The following C11orf65 variants were observed in gnomAD, a reference collection of about 807,000 sequenced individuals.
C11orf65 encodes the protein protein MFI.
In C11orf65, 38 loss-of-function variants were observed where a neutral mutation model predicts 35.3. The ratio of observed to expected loss-of-function variants is 1.08; its 90% confidence interval spans 0.83 to 1.41. C11orf65 has a LOEUF of 1.41. Ranked by LOEUF, C11orf65 falls within the 40% of genes most tolerant of loss-of-function variation. The pLI, the probability that C11orf65 is intolerant of heterozygous loss-of-function variation, is 0.00. For synonymous variants in C11orf65, 105 were observed against 114.4 expected (o/e 0.92, Z 0.53); for missense variants, 370 against 367.1 (o/e 1.01, Z -0.06).
intron 2 of C11orf65, among the ~76,000 whole-genome samples, chr11:108,356,746 G>A (rs906733256): frequency 6.6e-6 from 1 of 152,132 alleles, no homozygotes; most frequent in Non-Finnish European, 1.5e-5. Flanking sequence ...AATCTTACTA[G>A]TTTAATGCCA....
At chr11:108,405,914 G>A (rs1407090257) in intron 5 of C11orf65, among the ~76,000 whole-genome samples, 1 of 152,116 alleles carries the variant, frequency 6.6e-6, no homozygotes, top group Non-Finnish European at 1.5e-5. Flanking sequence ...AAGGAGTACA[G>A]CCACCCTTCA....
intron 2 of C11orf65, among the ~76,000 whole-genome samples, chr11:108,361,362 GCC>G (rs1051359843): frequency 6.6e-6 from 1 of 150,604 alleles, no homozygotes; most frequent in African/African-American, 2.5e-5. Flanking sequence ...TGTGAAAATG[GCC>G]ATACTGCCCA....
downstream of C11orf65, among the ~76,000 whole-genome samples, chr11:108,381,441 A>C (rs1161158711): frequency 6.6e-6 from 1 of 152,182 alleles, no homozygotes; most frequent in Non-Finnish European, 1.5e-5. Flanking sequence ...TGGTAGATAA[A>C]TATCTGGTTT....
chr11:108,431,985 A>G, intron 2 of C11orf65, 147 bp from the exon 3 acceptor site: 1 of 448,614 alleles, frequency 2.2e-6, no homozygotes, highest in Non-Finnish European at 4.0e-6. Context: ...TTATGCACTC[A>G]GGGTTTGCTT....
At chr11:108,358,156 C>A (rs919161668) in intron 2 of C11orf65, among the ~76,000 whole-genome samples, 1 of 151,492 alleles carries the variant, frequency 6.6e-6, no homozygotes, top group Non-Finnish European at 1.5e-5. Flanking sequence ...ATGCAGAAGC[C>A]TCAGGAGCCG....
In C11orf65 at chr11:108,382,797, A is replaced by G. The variant is rs1420474773; in HGVS notation, c.*224T>C. ...CTCTTTACTTAAGTGTGACTGTTAG[A>G]ATACTACAGTTTCTCAGAATACTAG... is the stretch of plus-strand genomic sequence containing the variant. On this transcript the variant is annotated 3_prime_UTR_variant, in exon 9 of 9. Coordinates refer to ENST00000393084, the MANE Select transcript of C11orf65 (RefSeq NM_152587.5). 1 of 984,160 alleles carries G rather than the reference A, an allele frequency of 1.0e-6. No individual in the cohort carries two copies. Among genetic ancestry groups the G allele is most frequent in the African/African-American group, 1.7e-5 (1 of 57,202 alleles). The allele number at this position is 984,160 out of a possible 1,614,324, so 61.0% of individuals were successfully genotyped here.
rs754002355 is a variant in C11orf65, at chr11:108,332,877, C to G, written c.300-1310G>C. On this transcript the variant is annotated intron_variant, in intron 3 of 3. Transcript: ENST00000524755. Reference sequence around the variant, plus strand: ...TATATTATATTAGCAAACTTAGATGCCACTCAGTGGAAGACTCAGAGAAGT... The same window carrying G: ...TATATTATATTAGCAAACTTAGATGGCACTCAGTGGAAGACTCAGAGAAGT... The G allele has an allele frequency of 7.4e-6, 12 of 1,612,724 alleles. No homozygotes were observed. The East Asian group carries it at 2.7e-4, about 36-fold the overall frequency.
chr11:108,332,852 TA>T lies in C11orf65; in HGVS notation c.300-1286del, dbSNP rs1057516599. 1 of 1,612,534 alleles carries T rather than the reference TA, an allele frequency of 6.2e-7. No individual in the cohort carries two copies. Among genetic ancestry groups the T allele is most frequent in the Admixed American group, 1.7e-5 (1 of 60,004 alleles). ...AAGTGTTGAGGCACTTTGTGATGCT[TA>T]TATTATATTAGCAAACTTAGATGCC... On this transcript the variant is annotated intron_variant, in intron 3 of 3. Transcript: ENST00000524755.
In C11orf65 at chr11:108,460,131, T is replaced by C. The variant is rs181449039; in HGVS notation, c.81+1348A>G. Among the ~76,000 whole-genome samples the C allele has an allele frequency of 9.0e-4, 137 of 152,250 alleles. 1 individual carries two copies. The highest frequency in any genetic ancestry group is 3.0e-3 in the African/African-American group (123 of 41,556). ...AAAAAAACACATATTATTTTAGTGT[T>C]AGAAATCAACATAGTTATACCCCAG... On this transcript the variant is annotated intron_variant, in intron 2 of 8. Coordinates refer to ENST00000393084, the MANE Select transcript of C11orf65 (RefSeq NM_152587.5).
chr11:108,450,990 T>C (rs927047859), intron 2 of C11orf65, among the ~76,000 whole-genome samples: 1 of 151,820 alleles, frequency 6.6e-6, no homozygotes, highest in East Asian at 1.9e-4. Context: ...ATAAACTAGG[T>C]ACTGATGGGA....
chr11:108,341,201 A>G (rs559597504), intron 2 of C11orf65, among the ~76,000 whole-genome samples: 18 of 151,704 alleles, frequency 1.2e-4, no homozygotes, highest in Non-Finnish European at 2.5e-4. Flanking sequence ...AGACACACCA[A>G]TTTGTTTCTG....
intron 2 of C11orf65, chr11:108,368,539 A>AAGAT (rs1202494468): frequency 4.6e-6 from 1 of 217,244 alleles, no homozygotes; most frequent in East Asian, 6.9e-5. Flanking sequence ...CCAAGGCAAG[A>AAGAT]AGATAGTAAA....
chr11:108,468,441 G>A (rs2093560011), upstream of C11orf65, among the ~76,000 whole-genome samples: 1 of 152,176 alleles, frequency 6.6e-6, no homozygotes, highest in Non-Finnish European at 1.5e-5. Flanking sequence ...TTATTGCAAT[G>A]TGAAAAAATC....
chr11:108,364,795 A>C (rs1021650582), intron 2 of C11orf65, among the ~76,000 whole-genome samples: 1 of 152,236 alleles, frequency 6.6e-6, no homozygotes, highest in East Asian at 1.9e-4. Context: ...AGAAGGAAAG[A>C]AAGTGACTAA....
chr11:108,357,041 A>C (rs1052125546), intron 2 of C11orf65, among the ~76,000 whole-genome samples: 1 of 152,242 alleles, frequency 6.6e-6, no homozygotes, highest in Non-Finnish European at 1.5e-5. Flanking sequence ...TACCAGGTTC[A>C]TCTCACTAGG....
chr11:108,367,613 C>T (rs1435994615), intron 2 of C11orf65: 1 of 208,028 alleles, frequency 4.8e-6, no homozygotes, highest in East Asian at 7.3e-5. Flanking sequence ...GCTTTCTCCT[C>T]GTATTTGGAC....
chr11:108,423,969 C>T (rs541124304), intron 3 of C11orf65, among the ~76,000 whole-genome samples: 24 of 152,294 alleles, frequency 1.6e-4, no homozygotes, highest in Non-Finnish European at 2.8e-4. Flanking sequence ...CACTAAAAGG[C>T]AGAAAATTCC....
rs577094170 is a variant in C11orf65 at position 108,323,908 on chromosome 11, G to A, written c.641-14837C>T. On this transcript the variant is annotated intron_variant, in intron 6 of 6. Transcript: ENST00000525729. ...CAGAGATAAGAATTCATCTCGTTCT[G>A]TTAATCCAGACATTAAAGAGATTTG... 1.2e-4 allele frequency among the ~76,000 whole-genome samples: 19 copies of A among 152,224 alleles called. No homozygotes were observed. The South Asian group carries it at 3.3e-3, about 27-fold the overall frequency.
chr11:108,350,900 T>G (rs2089122278), intron 2 of C11orf65, among the ~76,000 whole-genome samples: 1 of 152,190 alleles, frequency 6.6e-6, no homozygotes, highest in African/African-American at 2.4e-5. Context: ...AAAGCTGACT[T>G]TATGTATATC....
Sources: gnomAD v4.1 joint callset for allele counts (sites outside exome capture counted in the v4.1 genomes callset) on GRCh38, gnomAD v4.1.1 for gene constraint, MANE v1.5 for transcripts, NCBI Gene and HGNC (gene_info 2026-07-23, HGNC 2026-07-21) for gene names.